Variants in ANKDD1A observed in about 807,000 individuals in gnomAD.
The protein encoded by ANKDD1A is ankyrin repeat and death domain containing 1A.
ANKDD1A carries 59 observed loss-of-function variants against 63.5 expected under a neutral mutation model. The ratio of observed to expected loss-of-function variants is 0.93; its 90% confidence interval spans 0.75 to 1.15. The LOEUF is 1.15. Ranked by LOEUF, ANKDD1A falls within the 50% of genes most tolerant of loss-of-function variation. The pLI is 0.00. For synonymous variants in ANKDD1A, 266 were observed against 263.9 expected, an observed-to-expected ratio of 1.01 and a Z score of -0.08; for missense variants, 632 against 656.4, an observed-to-expected ratio of 0.96 and a Z score of 0.41.
chr15:64,950,591 A>G, intron 14 of ANKDD1A: 1 of 985,474 alleles, frequency 1.0e-6, no homozygotes, highest in Non-Finnish European at 1.2e-6. Context: ...CAACCACAGA[A>G]TGGGGCACTA....
intron 9 of ANKDD1A, among the ~76,000 whole-genome samples, chr15:64,935,130 A>G (rs1419115947): frequency 6.6e-6 from 1 of 150,910 alleles, no homozygotes. Flanking sequence ...TGGGAGGCTG[A>G]GGCTAAAGGA....
At chr15:64,921,532 G>C (rs1431974574) in intron 3 of ANKDD1A, among the ~76,000 whole-genome samples, 1 of 151,916 alleles carries the variant, frequency 6.6e-6, no homozygotes, top group South Asian at 2.1e-4. Flanking sequence ...CCACCACCAC[G>C]CTCGGCTAAT....
At chr15:64,956,298 C>G (rs1595862385) in intron 14 of ANKDD1A, among the ~76,000 whole-genome samples, 1 of 151,082 alleles carries the variant, frequency 6.6e-6, no homozygotes, top group South Asian at 2.1e-4. Flanking sequence ...GCCTGTAATC[C>G]CAGCACTTTG....
At chr15:64,931,713 G>A (rs1019655805) in intron 8 of ANKDD1A, 128 bp downstream of exon 8, 2 of 1,026,512 alleles carry the variant, frequency 1.9e-6, no homozygotes, top group African/African-American at 3.2e-5. Flanking sequence ...ACAAGGTTCT[G>A]ATCTTGGCTT....
At chr15:64,917,620 G>T in intron 3 of ANKDD1A, 106 bp downstream of exon 3, 1 of 1,453,262 alleles carries the variant, frequency 6.9e-7, no homozygotes, top group Non-Finnish European at 9.2e-7. Flanking sequence ...CAGACATTCA[G>T]GTGCAGAGTG....
At chr15:64,945,607 CATATATATATATATAT>C (rs61390435) in intron 12 of ANKDD1A, among the ~76,000 whole-genome samples, 1 of 73,852 alleles carries the variant, frequency 1.4e-5, no homozygotes, top group Non-Finnish European at 2.4e-5. Context: ...GCATTTTCAA[CATATATATATATATAT>C]ATATATATGA....
At chr15:64,951,073 G>A in intron 14 of ANKDD1A, 1 of 1,207,516 alleles carries the variant, frequency 8.3e-7, no homozygotes, top group Non-Finnish European at 1.1e-6. Flanking sequence ...CACCTGAACA[G>A]AAGATGACCA....
At chr15:64,949,032 C>T (rs1873291563) in intron 13 of ANKDD1A, among the ~76,000 whole-genome samples, 1 of 152,164 alleles carries the variant, frequency 6.6e-6, no homozygotes, top group South Asian at 2.1e-4. Context: ...GAAGTGCCAC[C>T]ACACCAAGGG....
At chr15:64,930,165 G>A (rs914453220) in intron 6 of ANKDD1A, among the ~76,000 whole-genome samples, 2 of 151,974 alleles carry the variant, frequency 1.3e-5, no homozygotes, top group Non-Finnish European at 2.9e-5. Context: ...CCTAGGTGAC[G>A]GGTTGATGGG....
In ANKDD1A at chr15:64,953,905, CCTCTT is replaced by C. The variant is rs1566918069; in HGVS notation, c.1484-3195_1484-3191del. The stretch of plus-strand genomic sequence containing the variant: ...TTTCTTCTTCCTCTTTTCTTTCTTC[CCTCTT>C]CTTTCTTCTCTTTTTCTTTTTTCTT... On this transcript the variant is annotated intron_variant, in intron 14 of 14. Transcript: ENST00000319580. Among the ~76,000 whole-genome samples the C allele has an allele frequency of 1.4e-3, 22 of 16,146 alleles. No homozygotes were observed. In the South Asian group the frequency reaches 0.017, roughly 13 times the overall value. The allele number at this position is 16,146 out of a possible 152,430, so 10.6% of individuals were successfully genotyped here. A position where few individuals can be genotyped will look rare whatever the true frequency, so the allele number is the denominator to read the frequency against.
intron 9 of ANKDD1A, 94 bp from the exon 10 acceptor site, chr15:64,942,373 C>G: frequency 1.0e-6 from 1 of 966,546 alleles, no homozygotes; most frequent in Non-Finnish European, 1.5e-6. Flanking sequence ...CCCAGAAGCA[C>G]TATACTCTTC....
At chr15:64,946,558 AAGGC>A (rs1221327613) in intron 12 of ANKDD1A, among the ~76,000 whole-genome samples, 1 of 152,202 alleles carries the variant, frequency 6.6e-6, no homozygotes, top group East Asian at 1.9e-4. Context: ...CCTCACCACT[AAGGC>A]AGTGGCTGCA....
At chr15:64,952,763 CTCCTT>C (rs1243153993) in intron 14 of ANKDD1A, among the ~76,000 whole-genome samples, 5 of 137,844 alleles carry the variant, frequency 3.6e-5, no homozygotes, top group Non-Finnish European at 7.8e-5. Context: ...TCTCCTCCTC[CTCCTT>C]TCTTTTCTTC....
chr15:64,950,969 A>G, intron 14 of ANKDD1A: 1 of 1,272,574 alleles, frequency 7.9e-7, no homozygotes, highest in Non-Finnish European at 1.0e-6. Flanking sequence ...ATCAGGAAGA[A>G]AGCAAACGCA....
At chr15:64,943,154 C>T (rs2085197362) in intron 10 of ANKDD1A, 1 of 287,004 alleles carries the variant, frequency 3.5e-6, no homozygotes, top group Non-Finnish European at 6.6e-6. Flanking sequence ...ATTTATCAGT[C>T]TTCAATTTGA....
At chr15:64,955,057 CTTTT>C (rs2085406103) in intron 14 of ANKDD1A, among the ~76,000 whole-genome samples, 6 of 149,150 alleles carry the variant, frequency 4.0e-5, no homozygotes, top group Non-Finnish European at 8.9e-5. Flanking sequence ...CTTTCTTCTT[CTTTT>C]CTCTTTTTTT....
At chr15:64,946,081 A>T (rs577711544) in intron 12 of ANKDD1A, among the ~76,000 whole-genome samples, 1 of 152,226 alleles carries the variant, frequency 6.6e-6, no homozygotes, top group African/African-American at 2.4e-5. Context: ...CAACTAGTAA[A>T]TTTTTCCTGT....
chr15:64,927,391 AG>A (rs2085053630), intron 6 of ANKDD1A, among the ~76,000 whole-genome samples: 1 of 152,076 alleles, frequency 6.6e-6, no homozygotes, highest in South Asian at 2.1e-4. Context: ...GGGAAGTGTT[AG>A]GGGGTGGTAG....
chr15:64,943,664 C>T (rs186684616), intron 11 of ANKDD1A, 82 bp downstream of exon 11: 59 of 1,020,940 alleles, frequency 5.8e-5, no homozygotes, highest in African/African-American at 1.6e-4. Context: ...TGCCCCCTCC[C>T]TCCTCCTTCT....
Sources: gnomAD v4.1 joint callset for allele counts (sites outside exome capture counted in the v4.1 genomes callset) on GRCh38, gnomAD v4.1.1 for gene constraint, MANE v1.5 for transcripts, NCBI Gene and HGNC (gene_info 2026-07-23, HGNC 2026-07-21) for gene names.